EIF3H: variants seen among roughly 807,000 people sequenced by gnomAD.
EIF3H encodes the protein eIF-3-gamma.
A neutral mutation model predicts 44.2 loss-of-function variants in EIF3H; 26 were observed. That is an observed-to-expected ratio of 0.59 (90% CI 0.43 to 0.82). The LOEUF (loss-of-function observed/expected upper bound fraction) is 0.82. Among genes scored for constraint, EIF3H ranks in the 40% least tolerant of loss-of-function variants. The probability of loss-of-function intolerance (pLI) is 0.00; values close to 1 mark genes in which losing one functional copy is unlikely to be tolerated. For missense variants in EIF3H, 359 were observed against 432.8 expected (o/e 0.83, Z 1.51); for synonymous variants, 166 against 151.9 (o/e 1.09, Z -0.68).
rs1244106356 is a variant in EIF3H at position 116,683,539 on chromosome 8, C to A, written c.290-24559G>T. ...ATCACACTGAGGGTTAGAAATTTGACGTAAGAATTTTAGAGGAATGTTAGA... is the reference window on the plus strand; with the variant it reads ...ATCACACTGAGGGTTAGAAATTTGAAGTAAGAATTTTAGAGGAATGTTAGA... On this transcript the variant is annotated intron_variant, in intron 2 of 7. Coordinates refer to ENST00000521861, the MANE Select transcript of EIF3H (RefSeq NM_003756.3). 3.3e-5 allele frequency among the ~76,000 whole-genome samples: 5 copies of A among 152,134 alleles called. No individual in the cohort carries two copies. In the East Asian group the frequency reaches 9.6e-4, roughly 29 times the overall value.
intron 1 of EIF3H, chr8:116,737,797 G>C (rs1288075174): frequency 6.6e-6 from 1 of 152,608 alleles, no homozygotes; most frequent in Non-Finnish European, 1.5e-5. Context: ...CACTTTGGGA[G>C]GCCCAACTGG....
intron 1 of EIF3H, among the ~76,000 whole-genome samples, chr8:116,752,590 T>C (rs1174348534): frequency 6.6e-6 from 1 of 151,002 alleles, no homozygotes; most frequent in Non-Finnish European, 1.5e-5. Context: ...TGAATCCAAG[T>C]CTGTCGTCAA....
At chr8:116,665,241 T>C (rs1226004628) in intron 2 of EIF3H, among the ~76,000 whole-genome samples, 1 of 152,234 alleles carries the variant, frequency 6.6e-6, no homozygotes, top group Non-Finnish European at 1.5e-5. Flanking sequence ...ATATTTGACA[T>C]TAAATTAACC....
intron 2 of EIF3H, among the ~76,000 whole-genome samples, chr8:116,688,732 T>TA (rs111318625): frequency 6.6e-6 from 1 of 151,772 alleles, no homozygotes; most frequent in East Asian, 1.9e-4. Context: ...GCTTCATAAT[T>TA]ATTAAGTTGT....
chr8:116,661,959 CTTCT>C (rs1170009744), intron 2 of EIF3H, among the ~76,000 whole-genome samples: 1 of 152,180 alleles, frequency 6.6e-6, no homozygotes, highest in African/African-American at 2.4e-5. Context: ...GAGAGATCAG[CTTCT>C]TTATTAGGGG....
At chr8:116,734,381 T>C in intron 1 of EIF3H, 1 of 455,876 alleles carries the variant, frequency 2.2e-6, no homozygotes, top group South Asian at 1.6e-5. Context: ...ACTTGACGAC[T>C]ATGGATTTTT....
At chr8:116,674,708 ACAGT>A (rs1259452577) in intron 2 of EIF3H, among the ~76,000 whole-genome samples, 1 of 152,288 alleles carries the variant, frequency 6.6e-6, no homozygotes, top group East Asian at 1.9e-4. Context: ...GTATTATCCA[ACAGT>A]CATTTTGTAA....
intron 1 of EIF3H, among the ~76,000 whole-genome samples, chr8:116,753,821 A>G (rs1815397651): frequency 6.6e-6 from 1 of 152,226 alleles, no homozygotes; most frequent in South Asian, 2.1e-4. Flanking sequence ...TGCTAAATAA[A>G]TGATCTCCAA....
intron 2 of EIF3H, among the ~76,000 whole-genome samples, chr8:116,686,209 A>G (rs1201197941): frequency 6.6e-6 from 1 of 152,142 alleles, no homozygotes; most frequent in African/African-American, 2.4e-5. Context: ...CAGTTTACAA[A>G]CGCTACTCAT....
At chr8:116,743,518 C>A (rs911672063) in intron 1 of EIF3H, among the ~76,000 whole-genome samples, 1 of 150,960 alleles carries the variant, frequency 6.6e-6, no homozygotes, top group Admixed American at 6.6e-5. Context: ...CTGAGGCAGG[C>A]GGATCACTTG....
chr8:116,744,866 C>T (rs1815205564), intron 1 of EIF3H, among the ~76,000 whole-genome samples: 1 of 152,156 alleles, frequency 6.6e-6, no homozygotes, highest in South Asian at 2.1e-4. Context: ...AATCTAAACA[C>T]AAAAATAAGA....
At chr8:116,693,406 C>A (rs1814213063) in intron 2 of EIF3H, among the ~76,000 whole-genome samples, 1 of 152,052 alleles carries the variant, frequency 6.6e-6, no homozygotes, top group African/African-American at 2.4e-5. Flanking sequence ...TAAAATGGCA[C>A]CACCTACGTG....
At chr8:116,734,417 T>G in intron 1 of EIF3H, 2 of 455,096 alleles carry the variant, frequency 4.4e-6, no homozygotes, top group Non-Finnish European at 8.8e-6. Flanking sequence ...ATGCTAATAT[T>G]TACATTTCAT....
upstream of EIF3H, among the ~76,000 whole-genome samples, chr8:116,758,555 T>C (rs1368253608): frequency 6.6e-6 from 1 of 152,188 alleles, no homozygotes; most frequent in Non-Finnish European, 1.5e-5. Flanking sequence ...ACACACTTTT[T>C]TGAAGTGTCC....
intron 2 of EIF3H, among the ~76,000 whole-genome samples, chr8:116,716,700 C>T (rs1586473200): frequency 6.6e-6 from 1 of 152,052 alleles, no homozygotes; most frequent in Non-Finnish European, 1.5e-5. Flanking sequence ...GCCACAACTA[C>T]TCAACTGTGC....
rs113921604 is a variant in EIF3H at position 116,664,671 on chromosome 8, C to G, written c.290-5691G>C. On this transcript the variant is annotated intron_variant, in intron 2 of 7. Coordinates refer to ENST00000521861, the MANE Select transcript of EIF3H (RefSeq NM_003756.3). The stretch of plus-strand genomic sequence containing the variant: ...AGTAAAAATGGAGCTTATTCAAACT[C>G]GAAAACTCAAGATATGTTCAGTAGA... Among the ~76,000 whole-genome samples, 616 of 152,116 alleles carry G rather than the reference C, an allele frequency of 4.0e-3. 4 individuals carry two copies. Among genetic ancestry groups the G allele is most frequent in the Non-Finnish European group, 6.5e-3 (441 of 67,996 alleles).
chr8:116,697,939 A>G (rs1326706983), intron 2 of EIF3H, among the ~76,000 whole-genome samples: 2 of 152,244 alleles, frequency 1.3e-5, no homozygotes, highest in African/African-American at 2.4e-5. Context: ...AAAAATAACA[A>G]TATCTACTAC....
intron 2 of EIF3H, among the ~76,000 whole-genome samples, chr8:116,672,782 G>A (rs1014096589): frequency 4.6e-5 from 7 of 151,810 alleles, no homozygotes; most frequent in Non-Finnish European, 8.8e-5. Context: ...ACAGAAAATC[G>A]GCCTCAAGAT....
intron 2 of EIF3H, among the ~76,000 whole-genome samples, chr8:116,692,243 T>G (rs1814191412): frequency 6.6e-6 from 1 of 152,146 alleles, no homozygotes; most frequent in South Asian, 2.1e-4. Flanking sequence ...AATTCCACAA[T>G]TTCAATAATA....
Sources: allele counts gnomAD v4.1 joint callset (sites outside exome capture counted in the v4.1 genomes callset), GRCh38; gene constraint gnomAD v4.1.1; transcripts MANE v1.5; gene names NCBI Gene and HGNC (gene_info 2026-07-23, HGNC 2026-07-21).